LOC730098: variants seen among roughly 807,000 people sequenced by gnomAD.
At chr9:34,664,791 G>A in the LOC730098 span, 15 of 393,130 alleles carry the variant, frequency 3.8e-5, no homozygotes, top group African/African-American at 2.9e-4. Flanking sequence ...GTAACAGGCA[G>A]GATTATTTAG....
the LOC730098 span, chr9:34,665,904 G>C: frequency 1.0e-5 from 6 of 577,636 alleles, no homozygotes; most frequent in Non-Finnish European, 1.8e-5. Context: ...TAGGGGGCCA[G>C]GGCGAGAGGT....
the LOC730098 span, chr9:34,665,357 A>G: frequency 5.9e-5 from 41 of 698,552 alleles, no homozygotes; most frequent in Non-Finnish European, 1.0e-4. Context: ...AAAAAGTAGA[A>G]ACAGCCCCAG....
At chr9:34,665,788 C>T in the LOC730098 span, 1 of 643,160 alleles carries the variant, frequency 1.6e-6, no homozygotes, top group African/African-American at 1.8e-5. Flanking sequence ...GCTGATGCCC[C>T]CGAGAAGCCT....
the LOC730098 span, chr9:34,665,530 C>T: frequency 8.7e-6 from 6 of 691,460 alleles, no homozygotes; most frequent in East Asian, 1.3e-4. Flanking sequence ...CTCGCCCTGC[C>T]CACCCCTCGC....
the LOC730098 span, chr9:34,664,685 CCTG>C: frequency 5.0e-6 from 1 of 200,018 alleles, no homozygotes; most frequent in Non-Finnish European, 1.0e-5. Context: ...CCATTTACAG[CCTG>C]CATCCTACAC....
chr9:34,664,561 C>G, the LOC730098 span: 4 of 153,066 alleles, frequency 2.6e-5, no homozygotes, highest in Admixed American at 6.5e-5. Flanking sequence ...CCAAGGATCT[C>G]TAAACTTGGG....
chr9:34,665,785 C>A, the LOC730098 span: 2 of 646,598 alleles, frequency 3.1e-6, no homozygotes, highest in Non-Finnish European at 5.6e-6. Flanking sequence ...GAGGCTGATG[C>A]CCCCGAGAAG....
the LOC730098 span, chr9:34,665,574 C>T: frequency 1.4e-6 from 1 of 697,936 alleles, no homozygotes; most frequent in African/African-American, 1.8e-5. Flanking sequence ...CACCCCGGAG[C>T]CGCCTGGTTC....
At chr9:34,665,564 C>T in the LOC730098 span, 1 of 700,338 alleles carries the variant, frequency 1.4e-6, no homozygotes, top group African/African-American at 1.8e-5. Flanking sequence ...CACCCTCCCC[C>T]ACCCCGGAGC....
chr9:34,665,479 C>T, the LOC730098 span: 22 of 696,050 alleles, frequency 3.2e-5, 1 homozygote, highest in South Asian at 1.9e-4. Context: ...CTCCGCCCCG[C>T]CTCTAAAAGC....
the LOC730098 span, chr9:34,665,985 G>A: frequency 4.5e-6 from 2 of 441,478 alleles, no homozygotes; most frequent in Non-Finnish European, 8.2e-6. Flanking sequence ...CACCTGGAGG[G>A]GGGGCTGAGA....
the LOC730098 span, chr9:34,665,646 C>T: frequency 2.9e-6 from 2 of 701,292 alleles, no homozygotes; most frequent in Non-Finnish European, 2.6e-6. Flanking sequence ...CTCGTATCTC[C>T]TCATTCCCGA....
chr9:34,665,535 C>T, the LOC730098 span: 1 of 691,080 alleles, frequency 1.4e-6, no homozygotes, highest in Non-Finnish European at 2.6e-6. Flanking sequence ...CCTGCCCACC[C>T]CTCGCCCCCG....
At chr9:34,665,485 A>G in the LOC730098 span, 2 of 696,504 alleles carry the variant, frequency 2.9e-6, no homozygotes, top group African/African-American at 3.5e-5. Flanking sequence ...CCCGCCTCTA[A>G]AAGCGGCTCC....
chr9:34,665,340 C>T, the LOC730098 span: 3 of 702,264 alleles, frequency 4.3e-6, no homozygotes, highest in Non-Finnish European at 7.8e-6. Flanking sequence ...ACATGCGAAG[C>T]CAGGGGAAAA....
At chr9:34,664,847 G>A in the LOC730098 span, 3 of 417,098 alleles carry the variant, frequency 7.2e-6, no homozygotes, top group African/African-American at 6.1e-5. Context: ...TGGGGGTTGG[G>A]ATTGGGGGAG....
chr9:34,665,389 A>G, the LOC730098 span: 38 of 499,306 alleles, frequency 7.6e-5, no homozygotes, highest in Non-Finnish European at 5.0e-5. Flanking sequence ...GAGAGAGGGC[A>G]GAGCCGGGCG....
At chr9:34,665,650 T>C in the LOC730098 span, 1 of 694,224 alleles carries the variant, frequency 1.4e-6, no homozygotes, top group Non-Finnish European at 2.6e-6. Context: ...TATCTCCTCA[T>C]TCCCGACATG....
chr9:34,665,249 T>G, the LOC730098 span: 4 of 697,650 alleles, frequency 5.7e-6, no homozygotes, highest in African/African-American at 1.8e-5. Context: ...TTCCCCCCGA[T>G]GGGTCCTCAG....
Sources: gnomAD v4.1 joint callset for allele counts on GRCh38, gnomAD v4.1.1 for gene constraint, MANE v1.5 for transcripts.